The following RYR2 variants were observed in gnomAD, a reference collection of about 807,000 sequenced individuals.
RYR2 encodes the protein ryanodine receptor 2.
In RYR2, 227 loss-of-function variants were observed where a neutral mutation model predicts 601.1. The ratio of observed to expected loss-of-function variants is 0.38; its 90% CI spans 0.34 to 0.42. The LOEUF is 0.42. RYR2 is among the 10% of genes least tolerant of loss of function. The pLI, the probability that RYR2 is intolerant of heterozygous loss-of-function variation, is 1.00. For synonymous variants in RYR2, 2,223 were observed against 2,175.1 expected (o/e 1.02, Z -0.61); for missense variants, 4,646 against 6,156.5 (o/e 0.75, Z 8.21).
chr1:237,755,935 C>T (rs1007504809), intron 80 of RYR2, among the ~76,000 whole-genome samples: 3 of 152,006 alleles, frequency 2.0e-5, no homozygotes, highest in Non-Finnish European at 2.9e-5. Flanking sequence ...TTATTCAAAA[C>T]GTGACAAACT....
intron 2 of RYR2, among the ~76,000 whole-genome samples, chr1:237,278,229 C>T (rs1368203952): frequency 6.7e-6 from 1 of 149,048 alleles, no homozygotes; most frequent in East Asian, 2.0e-4. Context: ...CACTACTATG[C>T]CCAGCTAATT....
intron 1 of RYR2, among the ~76,000 whole-genome samples, chr1:237,242,639 A>C (rs1686324703): frequency 6.6e-6 from 1 of 152,168 alleles, no homozygotes; most frequent in Non-Finnish European, 1.5e-5. Flanking sequence ...GTTACTATGC[A>C]CTAAGGGCTT....
chr1:237,402,872 C>G (rs1377631589), intron 10 of RYR2, among the ~76,000 whole-genome samples: 5 of 149,358 alleles, frequency 3.3e-5, no homozygotes, highest in African/African-American at 4.9e-5. Flanking sequence ...GCCTCGATGT[C>G]CTGGCCTCAA....
Position 237,672,440 on chromosome 1 carries a change from A to G in RYR2, c.8591-1656A>G, listed in dbSNP as rs77834026. Among the ~76,000 whole-genome samples the G allele has an allele frequency of 3.8e-3, 584 of 152,304 alleles. 4 individuals carry two copies. The highest frequency in any genetic ancestry group is 0.013 in the African/African-American group (554 of 41,564). On this transcript the variant is annotated intron_variant, in intron 58 of 104. Transcript: ENST00000366574. ...TGATTAAATTAGGGTGATGGAATTCAATCCTTGATTTTAAAAAGATTTTTG... is the reference window on the plus strand; with the variant it reads ...TGATTAAATTAGGGTGATGGAATTCGATCCTTGATTTTAAAAAGATTTTTG...
At chr1:237,325,954 G>A (rs1173548511) in intron 2 of RYR2, among the ~76,000 whole-genome samples, 1 of 152,156 alleles carries the variant, frequency 6.6e-6, no homozygotes, top group Non-Finnish European at 1.5e-5. Flanking sequence ...AAATGGAGTA[G>A]TTTATTAGTA....
At chr1:237,595,806 G>A (rs1251315413) in intron 34 of RYR2, 149 bp downstream of exon 34, 2 of 895,854 alleles carry the variant, frequency 2.2e-6, no homozygotes, top group Non-Finnish European at 3.2e-6. Flanking sequence ...CCTGCCCCTA[G>A]CAAGCCCTCC....
intron 25 of RYR2, among the ~76,000 whole-genome samples, chr1:237,543,281 CAGGGGAGT>C (rs1669491983): frequency 6.6e-6 from 1 of 152,020 alleles, no homozygotes; most frequent in Non-Finnish European, 1.5e-5. Flanking sequence ...AGTTTGGGGT[CAGGGGAGT>C]AGGGCACATC....
rs75336282 is a variant in RYR2 at position 237,462,019 on chromosome 1, C to T, written c.1612+5284C>T. On this transcript the variant is annotated intron_variant, in intron 16 of 104. Coordinates refer to ENST00000366574, the MANE Select transcript of RYR2 (RefSeq NM_001035.3). The stretch of plus-strand genomic sequence containing the variant: ...ATTCATTGTAATCATAAGATAGCCA[C>T]ATATACCTAAATATATACTTCAGTT... Among the ~76,000 whole-genome samples, 1,013 of 152,236 alleles carry T rather than the reference C, an allele frequency of 6.7e-3. 2 individuals are homozygous for T. The highest frequency in any genetic ancestry group is 0.011 in the Non-Finnish European group (761 of 68,002).
chr1:237,719,667 C>A (rs904571162), intron 73 of RYR2, among the ~76,000 whole-genome samples: 1 of 152,092 alleles, frequency 6.6e-6, no homozygotes, highest in African/African-American at 2.4e-5. Context: ...CACCAGGCCC[C>A]GCCTCCAACA....
Position 237,351,106 on chromosome 1 carries a change from A to C in RYR2, c.274-4859A>C, listed in dbSNP as rs1338855517. 4.6e-5 allele frequency among the ~76,000 whole-genome samples: 7 copies of C among 152,124 alleles called. No homozygotes were observed. The South Asian group carries it at 1.2e-3, about 27-fold the overall frequency. ...AGAAATAAGTAACAAAAGGAATTGC[A>C]AATCCATAAGCCTATGAATCAACGA... On this transcript the variant is annotated intron_variant, in intron 3 of 104. Transcript: ENST00000366574.
At chr1:237,809,233 T>C (rs1258862408) in intron 100 of RYR2, among the ~76,000 whole-genome samples, 198 bp downstream of exon 100, 2 of 152,234 alleles carry the variant, frequency 1.3e-5, no homozygotes, top group East Asian at 3.8e-4. Context: ...TTTCCATATG[T>C]GCTGCACAGC....
intron 48 of RYR2, 90 bp downstream of exon 48, chr1:237,643,537 T>G: frequency 6.9e-7 from 1 of 1,443,386 alleles, no homozygotes; most frequent in Non-Finnish European, 9.7e-7. Flanking sequence ...CATCCCAACC[T>G]CTCCACTTCC....
intron 6 of RYR2, among the ~76,000 whole-genome samples, chr1:237,371,912 T>A (rs1023690189): frequency 9.9e-5 from 15 of 151,620 alleles, no homozygotes; most frequent in African/African-American, 3.6e-4. Context: ...TGGGGAGAGA[T>A]GGGAGGGATA....
rs114534505 is a variant in RYR2, at chr1:237,614,282, G to T, written c.5154G>T (p.Arg1718Ser). 2.5e-6 allele frequency: 4 copies of T among 1,613,976 alleles called. No homozygotes were observed. Among genetic ancestry groups the T allele is most frequent in the East Asian group, 2.2e-5 (1 of 44,856 alleles). ...ACCTGAGCTCCTATGCCACTGCCAGGCTCATGATGAACAACGAGTACATTG... is the reference window on the plus strand; with the variant it reads ...ACCTGAGCTCCTATGCCACTGCCAGTCTCATGATGAACAACGAGTACATTG... ...DIHLSSYATA[R>S]LMMNNEYIVP... Residue 1718 changes from arginine to serine, a missense_variant, in exon 37 of 105, where the codon AGG becomes AGT. By Grantham distance (110) the Arg-to-Ser change is moderately radical. Coordinates refer to ENST00000366574, the MANE Select transcript of RYR2 (RefSeq NM_001035.3). This position sits in a 1 kb window ranked among gnomAD's most constrained non-coding sequence, Gnocchi z 4.3.
At chr1:237,605,204 C>T (rs1010209331) in intron 35 of RYR2, among the ~76,000 whole-genome samples, 9 of 152,168 alleles carry the variant, frequency 5.9e-5, no homozygotes, top group Non-Finnish European at 8.8e-5. Flanking sequence ...TCCAGCAACA[C>T]ATCAAAAAGC....
chr1:237,762,727 T>TG lies in RYR2; in HGVS notation c.11476+1700dup, dbSNP rs1217513890. 2.2e-4 allele frequency among the ~76,000 whole-genome samples: 33 copies of TG among 152,344 alleles called. No homozygotes were observed. In the East Asian group the frequency reaches 6.2e-3, roughly 29 times the overall value. On this transcript the variant is annotated intron_variant, in intron 84 of 104. Coordinates refer to ENST00000366574, the MANE Select transcript of RYR2 (RefSeq NM_001035.3). ...CTCTCAAAAGGAGATTGATTTAACTTGTGCATTCTTTTTCAACACATAAGA... is the reference window on the plus strand; with the variant it reads ...CTCTCAAAAGGAGATTGATTTAACTTGGTGCATTCTTTTTCAACACATAAGA...
chr1:237,394,856 A>G (rs1702680015), intron 10 of RYR2, among the ~76,000 whole-genome samples: 1 of 152,176 alleles, frequency 6.6e-6, no homozygotes, highest in African/African-American at 2.4e-5. Flanking sequence ...ACTGGCTCAC[A>G]CTTCTGCAGG....
chr1:237,396,445 A>T (rs1702866417), intron 10 of RYR2, among the ~76,000 whole-genome samples: 1 of 152,196 alleles, frequency 6.6e-6, no homozygotes, highest in African/African-American at 2.4e-5. Flanking sequence ...TATGCTACAG[A>T]TTCTTCCATA....
intron 1 of RYR2, among the ~76,000 whole-genome samples, chr1:237,152,400 C>T (rs1261838612): frequency 1.3e-5 from 2 of 152,162 alleles, no homozygotes; most frequent in Non-Finnish European, 2.9e-5. Flanking sequence ...AATGGGATTT[C>T]TGGTTCTAGA....
Sources: gnomAD v4.1 joint callset for allele counts (sites outside exome capture counted in the v4.1 genomes callset) on GRCh38, gnomAD v4.1.1 for gene constraint, Gnocchi (gnomAD v3.1) non-coding constraint, MANE v1.5 for transcripts, NCBI Gene and HGNC (gene_info 2026-07-23, HGNC 2026-07-21) for gene names.